The following NCALD variants were observed in gnomAD, a reference collection of about 807,000 sequenced individuals.
NCALD encodes the protein neurocalcin-delta.
A neutral mutation model predicts 18.6 loss-of-function variants in NCALD; 10 were observed. The ratio of observed to expected loss-of-function variants is 0.54; its 90% CI spans 0.33 to 0.91. The LOEUF (loss-of-function observed/expected upper bound fraction) is 0.91. Among genes scored for constraint, NCALD ranks in the 40% least tolerant of loss-of-function variants. NCALD has a pLI of 0.03. For synonymous variants in NCALD, 88 were observed against 87.4 expected (o/e 1.01, Z -0.04); for missense variants, 184 against 247.6 (o/e 0.74, Z 1.72).
At chr8:101,924,206 T>C (rs1818262921) in intron 2 of NCALD, among the ~76,000 whole-genome samples, 1 of 152,234 alleles carries the variant, frequency 6.6e-6, no homozygotes, top group Admixed American at 6.5e-5. Context: ...TTTAATATTA[T>C]ATAAAGATAC....
At position 101,687,694 on chromosome 8, in the gene NCALD, T is replaced by G. The variant is rs1435182909; in HGVS notation, c.*1615A>C. On this transcript the variant is annotated 3_prime_UTR_variant, in exon 4 of 4. Transcript: ENST00000220931. ...CAAATATACCCACTAGGGACCTCTC[T>G]GCCTTCTCTTAGTGGCAAGTTCCCC... is the stretch of plus-strand genomic sequence containing the variant. 2.0e-5 allele frequency: 3 copies of G among 152,268 alleles called. No homozygotes were observed. The highest frequency in any genetic ancestry group is 7.2e-5 in the African/African-American group (3 of 41,472). 9.4% of individuals were successfully genotyped at this position (152,268 alleles called of 1,614,324 possible). A position where few individuals can be genotyped will look rare whatever the true frequency, so the allele number is the denominator to read the frequency against.
chr8:102,010,421 T>C (rs1040795196), intron 2 of NCALD, among the ~76,000 whole-genome samples: 2 of 152,364 alleles, frequency 1.3e-5, no homozygotes, highest in Admixed American at 6.5e-5. Context: ...TATGACATCA[T>C]AAAGTCTGAG....
At chr8:101,917,376 C>A (rs58938702) in intron 2 of NCALD, among the ~76,000 whole-genome samples, 6,906 of 152,002 alleles carry the variant, frequency 0.045, 247 homozygotes, top group African/African-American at 0.1. Context: ...CACCTACCTC[C>A]AAAATTTAAA....
rs78771771 is a variant in NCALD, at chr8:101,820,739, C to T, written c.-20+66402G>A. On this transcript the variant is annotated intron_variant, in intron 4 of 6. Transcript: ENST00000311028. ...ATGGCTAATTCCAAATTAGCTTTTCCAGGTTAAACCGAAGCTACAAATGCC... is the reference window on the plus strand; with the variant it reads ...ATGGCTAATTCCAAATTAGCTTTTCTAGGTTAAACCGAAGCTACAAATGCC... Among the ~76,000 whole-genome samples, 15 of 152,308 alleles carry T rather than the reference C, an allele frequency of 9.8e-5. 1 individual carries two copies. The East Asian group carries it at 2.9e-3, about 29-fold the overall frequency.
At chr8:101,757,182 C>G (rs1055077338) in intron 1 of NCALD, among the ~76,000 whole-genome samples, 3 of 152,180 alleles carry the variant, frequency 2.0e-5, no homozygotes, top group Non-Finnish European at 4.4e-5. Context: ...TGTCCTCAAC[C>G]TCTCATCAAA....
chr8:101,723,589 TA>T (rs1467834817), intron 1 of NCALD, among the ~76,000 whole-genome samples: 2 of 152,054 alleles, frequency 1.3e-5, no homozygotes, highest in Non-Finnish European at 2.9e-5. Context: ...GACTAACCAA[TA>T]AAAAAAGGAC....
At chr8:101,691,376 G>A in intron 3 of NCALD, 3 of 985,366 alleles carry the variant, frequency 3.0e-6, no homozygotes, top group Non-Finnish European at 3.6e-6. Context: ...TCAGGGCTCT[G>A]CAATCCCATA....
At chr8:102,034,831 G>C (rs1266167668) in intron 1 of NCALD, among the ~76,000 whole-genome samples, 1 of 152,150 alleles carries the variant, frequency 6.6e-6, no homozygotes, top group African/African-American at 2.4e-5. Context: ...CCCCTACAGT[G>C]CTTGGCCTAG....
intron 1 of NCALD, among the ~76,000 whole-genome samples, chr8:101,769,435 A>T (rs1811490634): frequency 6.6e-6 from 1 of 152,162 alleles, no homozygotes; most frequent in Non-Finnish European, 1.5e-5. Context: ...ACTACCTATA[A>T]GCTTTTAAGT....
At chr8:101,940,670 A>G (rs560576971) in intron 2 of NCALD, among the ~76,000 whole-genome samples, 7 of 152,368 alleles carry the variant, frequency 4.6e-5, no homozygotes, top group African/African-American at 1.7e-4. Flanking sequence ...CCAACAGACA[A>G]CCTAAACCCA....
rs113992544 is a variant in NCALD, at chr8:102,014,830, T to C, written c.-157+5407A>G. ...AGCCATGATTACATAAAACACTGCA[T>C]CTAGTGCATTCTAGACATTCTAGTA... On this transcript the variant is annotated intron_variant, in intron 2 of 6. Coordinates refer to the NCALD transcript ENST00000311028. Among the ~76,000 whole-genome samples, 1,435 of 152,238 alleles carry C rather than the reference T, an allele frequency of 9.4e-3. 35 individuals are homozygous for C. The highest frequency in any genetic ancestry group is 0.033 in the African/African-American group (1,351 of 41,514).
rs1055134015 is a variant in NCALD at position 102,053,153 on chromosome 8, TTGTC to T, written c.-209-32868_-209-32865del. On this transcript the variant is annotated intron_variant, in intron 1 of 6. Transcript: ENST00000311028. ...AAAGAGCAATATGCCCAGAAACTCT[TTGTC>T]TGTATGTTTAAAAATTCACCATATG... Among the ~76,000 whole-genome samples the T allele has an allele frequency of 1.9e-4, 29 of 152,218 alleles. 1 individual carries two copies. Among genetic ancestry groups the T allele is most frequent in the Non-Finnish European group, 4.1e-4 (28 of 68,036 alleles).
chr8:101,690,791 C>T lies in NCALD; in HGVS notation c.485-1385G>A, dbSNP rs935200788. ...CCCAGCCCTGCCCACATAGTAGTTA[C>T]AATGGTAATGACTTCCTCCAGCTTG... On this transcript the variant is annotated intron_variant, in intron 3 of 3. Transcript: ENST00000220931. The T allele has an allele frequency of 3.2e-5, 32 of 985,406 alleles. No individual in the cohort carries two copies. In the Admixed American group the frequency reaches 7.4e-4, roughly 23 times the overall value. The allele number at this position is 985,406 out of a possible 1,614,324, so 61.0% of individuals were successfully genotyped here.
At chr8:101,929,372 AGGG>A in intron 2 of NCALD, among the ~76,000 whole-genome samples, 1 of 25,236 alleles carries the variant, frequency 4.0e-5, no homozygotes, top group African/African-American at 1.8e-4. Context: ...GGAAGGGAGG[AGGG>A]AAGGGAGGAG....
intron 4 of NCALD, among the ~76,000 whole-genome samples, chr8:101,867,835 T>C (rs1483442429): frequency 6.6e-6 from 1 of 152,166 alleles, no homozygotes; most frequent in East Asian, 1.9e-4. Context: ...GAATTTGACA[T>C]TGAAGTTCAT....
intron 2 of NCALD, among the ~76,000 whole-genome samples, chr8:101,941,716 A>G (rs545885886): frequency 1.3e-5 from 2 of 152,312 alleles, no homozygotes; most frequent in Admixed American, 1.3e-4. Context: ...ATGGGGGAGT[A>G]GGGATGACAG....
intron 1 of NCALD, among the ~76,000 whole-genome samples, chr8:102,059,135 A>G (rs539168074): frequency 6.6e-6 from 1 of 152,216 alleles, no homozygotes; most frequent in Non-Finnish European, 1.5e-5. Context: ...TATAGCAAAT[A>G]TAGTTCCGTA....
chr8:101,847,377 T>C (rs1814911668), intron 4 of NCALD: 1 of 215,868 alleles, frequency 4.6e-6, no homozygotes, highest in Admixed American at 4.1e-5. Context: ...TCCCTTCTTC[T>C]TTAGTGGGAT....
At chr8:101,998,728 T>TC (rs962934191) in intron 2 of NCALD, among the ~76,000 whole-genome samples, 2 of 152,104 alleles carry the variant, frequency 1.3e-5, no homozygotes, top group East Asian at 3.9e-4. Flanking sequence ...TCTATAATCC[T>TC]CCCCAGGGGT....
Sources: gnomAD v4.1 joint callset for allele counts (sites outside exome capture counted in the v4.1 genomes callset) on GRCh38, gnomAD v4.1.1 for gene constraint, MANE v1.5 for transcripts, NCBI Gene and HGNC (gene_info 2026-07-23, HGNC 2026-07-21) for gene names.